Variants in GLYR1 observed in about 807,000 individuals in gnomAD.
GLYR1 encodes cytokine-like nuclear factor N-PAC.
GLYR1 carries 21 observed loss-of-function variants against 72.7 expected under a neutral mutation model. The ratio of observed to expected loss-of-function variants is 0.29; its 90% CI spans 0.20 to 0.42. The LOEUF (loss-of-function observed/expected upper bound fraction) is 0.42, where lower values mean the gene tolerates loss of function less well. Among genes scored for constraint, GLYR1 ranks in the 10% least tolerant of loss-of-function variants. The pLI, the probability that GLYR1 is intolerant of heterozygous loss-of-function variation, is 1.00. For missense variants in GLYR1, 594 were observed against 712.1 expected (o/e 0.83, Z 1.89); for synonymous variants, 392 against 270.2 (o/e 1.45, Z -4.42).
At chr16:4,808,529 C>T (rs1433578047) in intron 15 of GLYR1, among the ~76,000 whole-genome samples, 1 of 151,734 alleles carries the variant, frequency 6.6e-6, no homozygotes, top group Admixed American at 6.6e-5. Flanking sequence ...ACCCAGGAGG[C>T]AGAGGTTGCA....
rs1451151685 is a variant in GLYR1 at position 4,827,675 on chromosome 16, TG to T, written c.538-3769del. 4.6e-5 allele frequency among the ~76,000 whole-genome samples: 7 copies of T among 151,874 alleles called. No homozygotes were observed. The East Asian group carries it at 1.4e-3, about 30-fold the overall frequency. On this transcript the variant is annotated intron_variant, in intron 5 of 15. Coordinates refer to ENST00000321919, the MANE Select transcript of GLYR1 (RefSeq NM_032569.4). The stretch of plus-strand genomic sequence containing the variant: ...CAGCACTTTGGGAGGCCGAGGCAGG[TG>T]GATCATGAGGTCAGGAGATCGACAC...
At chr16:4,835,659 C>A (rs151315224) in intron 3 of GLYR1, among the ~76,000 whole-genome samples, 13 of 152,110 alleles carry the variant, frequency 8.5e-5, no homozygotes, top group Admixed American at 2.0e-4. Context: ...GGTGAAATCT[C>A]GTCTCTACTG....
In GLYR1 at chr16:4,811,263, G is replaced by C. The variant is rs150744754; in HGVS notation, c.1494C>G (p.Phe498Leu). 6.2e-7 allele frequency: 1 copy of C among 1,614,060 alleles called. No individual in the cohort carries two copies. Among genetic ancestry groups the C allele is most frequent in the Non-Finnish European group, 8.5e-7 (1 of 1,180,024 alleles). Residue 498 changes from phenylalanine to leucine, a missense_variant, in exon 15 of 16, where the codon TTC becomes TTG. Coordinates refer to ENST00000321919, the MANE Select transcript of GLYR1 (RefSeq NM_032569.4). ...NILQGNFKPD[F>L]YLKYIQKDLR... ...GATCCTTCTGAATGTATTTCAGGTAGAAATCAGGCTTAAAGTTTCCTTGCA... is the reference window on the plus strand; with the variant it reads ...GATCCTTCTGAATGTATTTCAGGTACAAATCAGGCTTAAAGTTTCCTTGCA...
At chr16:4,814,051 A>G in intron 11 of GLYR1, 1 of 406,998 alleles carries the variant, frequency 2.5e-6, no homozygotes, top group Non-Finnish European at 4.3e-6. Flanking sequence ...GAGTGTGTGC[A>G]TTTCTTTTTA....
rs560179554 is a variant in GLYR1, at chr16:4,834,541, C to T, written c.156-1629G>A. 4.6e-5 allele frequency among the ~76,000 whole-genome samples: 7 copies of T among 151,876 alleles called. No individual in the cohort carries two copies. In the South Asian group the frequency reaches 1.0e-3, roughly 23 times the overall value. ...GCAGTGGCACGATCTTAGCTAACTGCGACCTCCGCCTCCACCTCCCAGGTT... is the reference window on the plus strand; with the variant it reads ...GCAGTGGCACGATCTTAGCTAACTGTGACCTCCGCCTCCACCTCCCAGGTT... On this transcript the variant is annotated intron_variant, in intron 3 of 15. Coordinates refer to ENST00000321919, the MANE Select transcript of GLYR1 (RefSeq NM_032569.4).
chr16:4,833,680 T>TA (rs2084939282), intron 3 of GLYR1, among the ~76,000 whole-genome samples: 1 of 151,986 alleles, frequency 6.6e-6, no homozygotes, highest in Non-Finnish European at 1.5e-5. Flanking sequence ...TGCTTGAGAT[T>TA]AAAGGTAGAA....
Position 4,847,245 on chromosome 16 carries a change from C to A in GLYR1, c.21G>T (p.Arg7=). 2.5e-6 allele frequency: 4 copies of A among 1,609,810 alleles called. No individual in the cohort carries two copies. Among genetic ancestry groups the A allele is most frequent in the Non-Finnish European group, 3.4e-6 (4 of 1,178,946 alleles). MAAVSL[R]LGDLVWGKLG... ...GGACTCACCACACCAAGTCGCCGAG[C>A]CGCAGACTCACAGCCGCCATCTTAC... The change falls in exon 1 of 16, where the codon CGG becomes CGT. Residue 7 remains arginine, a synonymous_variant. Coordinates refer to ENST00000321919, the MANE Select transcript of GLYR1 (RefSeq NM_032569.4).
intron 5 of GLYR1, among the ~76,000 whole-genome samples, chr16:4,826,708 T>C (rs549548367): frequency 1.3e-5 from 2 of 152,214 alleles, no homozygotes; most frequent in Admixed American, 1.3e-4. Flanking sequence ...CACTGTGTGA[T>C]AGAGCAGGCG....
At chr16:4,821,290 C>T (rs1468704965) in intron 9 of GLYR1, 90 bp downstream of exon 9, 46 of 1,309,300 alleles carry the variant, frequency 3.5e-5, no homozygotes, top group Non-Finnish European at 4.6e-5. Flanking sequence ...ATGGCTGGGA[C>T]ACAACCCTTA....
intron 3 of GLYR1, among the ~76,000 whole-genome samples, chr16:4,836,295 C>G (rs901707223): frequency 5.3e-5 from 8 of 152,098 alleles, no homozygotes; most frequent in Middle Eastern, 6.3e-3. Flanking sequence ...CTACAATGCT[C>G]CAGTGCGTAA....
chr16:4,814,757 G>A, intron 10 of GLYR1, 110 bp from the exon 11 acceptor site: 1 of 840,632 alleles, frequency 1.2e-6, no homozygotes, highest in Admixed American at 2.1e-5. Context: ...AAGGCAGGAG[G>A]CTGAGGCCGG....
intron 10 of GLYR1, among the ~76,000 whole-genome samples, chr16:4,815,455 G>C (rs537462302): frequency 3.5e-4 from 53 of 152,318 alleles, no homozygotes; most frequent in African/African-American, 1.2e-3. Context: ...GATATACTGT[G>C]ATTTACCTAA....
intron 5 of GLYR1, among the ~76,000 whole-genome samples, chr16:4,830,586 G>A (rs1002492021): frequency 1.3e-5 from 2 of 152,148 alleles, no homozygotes; most frequent in Non-Finnish European, 2.9e-5. Flanking sequence ...GAATTTTTGA[G>A]CCTTGATCCA....
At chr16:4,818,591 T>C (rs1777464394) in intron 9 of GLYR1, among the ~76,000 whole-genome samples, 1 of 152,148 alleles carries the variant, frequency 6.6e-6, no homozygotes, top group African/African-American at 2.4e-5. Context: ...CTCTGGATAC[T>C]ACTTTAAAGC....
chr16:4,839,275 G>A (rs1246093633), intron 3 of GLYR1: 1 of 152,268 alleles, frequency 6.6e-6, no homozygotes, highest in Admixed American at 6.5e-5. Context: ...TAAATTTTTT[G>A]TAGAGATGGG....
At chr16:4,812,843 C>G (rs1596314642) in intron 12 of GLYR1, among the ~76,000 whole-genome samples, 3 of 151,874 alleles carry the variant, frequency 2.0e-5, no homozygotes, top group East Asian at 3.9e-4. Flanking sequence ...GTTGCCCAGG[C>G]TGGAGTGCAG....
intron 3 of GLYR1, among the ~76,000 whole-genome samples, chr16:4,842,023 C>A (rs994589373): frequency 6.6e-6 from 1 of 152,084 alleles, no homozygotes; most frequent in Non-Finnish European, 1.5e-5. Context: ...GGGCAGATCA[C>A]GAGGTCAGGA....
At chr16:4,811,520 G>A in intron 14 of GLYR1, 103 bp downstream of exon 14, 9 of 1,430,380 alleles carry the variant, frequency 6.3e-6, no homozygotes, top group Non-Finnish European at 8.7e-6. Flanking sequence ...CAGGGTCAGG[G>A]ACTGACTGGG....
intron 3 of GLYR1, chr16:4,843,343 C>G (rs542684791): frequency 7.1e-6 from 3 of 422,652 alleles, no homozygotes; most frequent in East Asian, 1.1e-4. Flanking sequence ...TTTGTAGAGA[C>G]GGGGTTTTGC....
Sources: gnomAD v4.1 joint callset for allele counts (sites outside exome capture counted in the v4.1 genomes callset) on GRCh38, gnomAD v4.1.1 for gene constraint, MANE v1.5 for transcripts, NCBI Gene and HGNC (gene_info 2026-07-23, HGNC 2026-07-21) for gene names.